Variants in FHIT observed in about 807,000 individuals in gnomAD.
The protein encoded by FHIT is bis(5'-adenosyl)-triphosphatase.
A neutral mutation model predicts 17.9 loss-of-function variants in FHIT; 19 were observed. That is an observed-to-expected ratio of 1.06 (90% CI 0.74 to 1.56). The LOEUF (loss-of-function observed/expected upper bound fraction) is 1.56. Ranked by LOEUF, FHIT falls within the 40% of genes most tolerant of loss-of-function variation. FHIT has a pLI of 0.00. For synonymous variants in FHIT, 81 were observed against 69.7 expected (o/e 1.16, Z -0.81); for missense variants, 248 against 189.2 (o/e 1.31, Z -1.82).
chr3:59,750,746 G>T (rs1700851494), intron 9 of FHIT: 1 of 213,124 alleles, frequency 4.7e-6, no homozygotes, highest in Non-Finnish European at 9.5e-6. Context: ...CTAAAAAGAG[G>T]GCTGGGGAGA....
At chr3:60,790,450 T>C (rs1213145930) in intron 4 of FHIT, among the ~76,000 whole-genome samples, 2 of 152,210 alleles carry the variant, frequency 1.3e-5, no homozygotes, top group Admixed American at 1.3e-4. Flanking sequence ...TTTTCAACTC[T>C]TCCAAAATAC....
intron 4 of FHIT, among the ~76,000 whole-genome samples, chr3:60,774,782 T>C (rs990140634): frequency 6.6e-6 from 1 of 152,134 alleles, no homozygotes; most frequent in South Asian, 2.1e-4. Flanking sequence ...ATAATGTCAC[T>C]AACGGGCAAG....
At chr3:59,828,117 G>A (rs1701037650) in intron 8 of FHIT, among the ~76,000 whole-genome samples, 1 of 152,140 alleles carries the variant, frequency 6.6e-6, no homozygotes, top group African/African-American at 2.4e-5. Flanking sequence ...TGTGGAAAAA[G>A]GTAGAGACAT....
chr3:60,419,873 T>G (rs242172), intron 5 of FHIT, among the ~76,000 whole-genome samples: 5,676 of 152,204 alleles, frequency 0.037, 199 homozygotes, highest in African/African-American at 0.095. Flanking sequence ...TTGAAATAAA[T>G]TTGGCTTTTA....
chr3:59,771,407 T>C (rs1485066951), intron 8 of FHIT, among the ~76,000 whole-genome samples: 1 of 152,172 alleles, frequency 6.6e-6, no homozygotes, highest in East Asian at 1.9e-4. Flanking sequence ...TCTCCAAGAA[T>C]ATCTCCTGGA....
chr3:60,821,646 A>G (rs1181456816), intron 4 of FHIT, among the ~76,000 whole-genome samples: 1 of 152,198 alleles, frequency 6.6e-6, no homozygotes, highest in Non-Finnish European at 1.5e-5. Flanking sequence ...GCTACATTTC[A>G]TGGAAAAGAA....
intron 2 of FHIT, among the ~76,000 whole-genome samples, chr3:61,067,793 T>C (rs180738704): frequency 3.9e-5 from 6 of 152,226 alleles, no homozygotes; most frequent in Non-Finnish European, 8.8e-5. Context: ...TTATTTGGTA[T>C]CTGCAGAATT....
At chr3:59,837,653 A>C (rs1308271383) in intron 8 of FHIT, among the ~76,000 whole-genome samples, 3 of 152,328 alleles carry the variant, frequency 2.0e-5, no homozygotes, top group Non-Finnish European at 2.9e-5. Flanking sequence ...CAAATTGGGC[A>C]AAGGTCTTCT....
intron 5 of FHIT, among the ~76,000 whole-genome samples, chr3:60,232,738 G>A (rs977620359): frequency 5.3e-5 from 8 of 152,044 alleles, no homozygotes; most frequent in East Asian, 1.9e-4. Context: ...CATTCTGTTT[G>A]CTAAACACAG....
intron 4 of FHIT, among the ~76,000 whole-genome samples, chr3:60,704,378 T>C (rs1394263734): frequency 6.6e-6 from 1 of 152,160 alleles, no homozygotes; most frequent in African/African-American, 2.4e-5. Flanking sequence ...GAATTATTTT[T>C]CCCCCACACC....
At chr3:60,373,771 A>G (rs753472033) in intron 5 of FHIT, among the ~76,000 whole-genome samples, 2 of 152,196 alleles carry the variant, frequency 1.3e-5, no homozygotes, top group Non-Finnish European at 2.9e-5. Context: ...ATCTAACCAG[A>G]ATGCCATTCT....
At chr3:60,642,390 G>A (rs2039748018) in intron 4 of FHIT, among the ~76,000 whole-genome samples, 1 of 152,204 alleles carries the variant, frequency 6.6e-6, no homozygotes, top group African/African-American at 2.4e-5. Context: ...ACCCAGGGTT[G>A]CAGATCCTTA....
chr3:59,786,767 T>G lies in FHIT; in HGVS notation c.349-34446A>C, dbSNP rs76954421. On this transcript the variant is annotated intron_variant, in intron 8 of 9. Transcript: ENST00000492590. Reference sequence around the variant, plus strand: ...GCCATGTTTACTCAACACACAATTTTTACTAATACAGTCTCCCCATGTAGT... The same window carrying G: ...GCCATGTTTACTCAACACACAATTTGTACTAATACAGTCTCCCCATGTAGT... Among the ~76,000 whole-genome samples the G allele has an allele frequency of 5.1e-3, 781 of 152,368 alleles. 3 individuals are homozygous for G. Among genetic ancestry groups the G allele is most frequent in the African/African-American group, 0.018 (729 of 41,578 alleles).
intron 4 of FHIT, among the ~76,000 whole-genome samples, chr3:60,658,034 C>G (rs1553690129): frequency 6.6e-6 from 1 of 152,120 alleles, no homozygotes; most frequent in Non-Finnish European, 1.5e-5. Context: ...CACCACCTAT[C>G]TATCTCCAGA....
intron 4 of FHIT, among the ~76,000 whole-genome samples, chr3:60,805,642 G>A (rs1170262388): frequency 9.9e-5 from 15 of 151,954 alleles, no homozygotes; most frequent in African/African-American, 3.1e-4. Context: ...TGCAAGCTCC[G>A]CCTCCTGGGT....
chr3:60,269,449 A>T (rs1706755480), intron 5 of FHIT, among the ~76,000 whole-genome samples: 2 of 152,208 alleles, frequency 1.3e-5, no homozygotes, highest in African/African-American at 4.8e-5. Context: ...GGTATTTTCC[A>T]GTGAGTTATG....
At chr3:60,046,522 AG>A (rs1701660827) in intron 5 of FHIT, among the ~76,000 whole-genome samples, 1 of 152,224 alleles carries the variant, frequency 6.6e-6, no homozygotes, top group African/African-American at 2.4e-5. Flanking sequence ...CAATCCCATT[AG>A]TTCTCCACTT....
intron 8 of FHIT, among the ~76,000 whole-genome samples, chr3:59,756,801 T>C (rs1245702125): frequency 1.3e-5 from 2 of 152,178 alleles, no homozygotes; most frequent in African/African-American, 4.8e-5. Flanking sequence ...CTTATTATTA[T>C]TGCATGGTCT....
chr3:60,724,647 G>GTT lies in FHIT; in HGVS notation c.-18+97270_-18+97271dup, dbSNP rs530376698. On this transcript the variant is annotated intron_variant, in intron 4 of 9. Coordinates refer to ENST00000492590, the MANE Select transcript of FHIT (RefSeq NM_002012.4). ...TGCTAATAGTTACTATTAACTGTCT[G>GTT]TTTTTTTTTTTTGTTTTTTTTTTTT... 2.3e-3 allele frequency among the ~76,000 whole-genome samples: 275 copies of GTT among 119,774 alleles called. 10 individuals are homozygous for GTT. The highest frequency in any genetic ancestry group is 0.015 in the East Asian group (66 of 4,336). 78.6% of individuals were successfully genotyped at this position (119,774 alleles called of 152,430 possible). A position where few individuals can be genotyped will look rare whatever the true frequency, so the allele number is the denominator to read the frequency against.
Sources: allele counts gnomAD v4.1 joint callset (sites outside exome capture counted in the v4.1 genomes callset), GRCh38; gene constraint gnomAD v4.1.1; transcripts MANE v1.5; gene names NCBI Gene and HGNC (gene_info 2026-07-23, HGNC 2026-07-21).